Variants in GSDME observed in about 807,000 individuals in gnomAD.
GSDME encodes gasdermin-E.
Under a neutral mutation model 47.5 loss-of-function variants are expected in GSDME, and 44 were observed. The ratio of observed to expected loss-of-function variants is 0.93; its 90% confidence interval spans 0.73 to 1.19. GSDME has a LOEUF of 1.19. Ranked by LOEUF, GSDME falls within the 50% of genes most tolerant of loss-of-function variation. The pLI is 0.00. For missense variants in GSDME, 663 were observed against 604.2 expected, an observed-to-expected ratio of 1.10 and a Z score of -1.02; for synonymous variants, 258 against 252.8, an observed-to-expected ratio of 1.02 and a Z score of -0.20.
rs1244789850 is a variant in GSDME, at chr7:24,736,518, T to C, written c.404+8044A>G. Among the ~76,000 whole-genome samples, 2 of 152,170 alleles carry C rather than the reference T, an allele frequency of 1.3e-5. No homozygotes were observed. The highest frequency in any genetic ancestry group is 1.9e-4 in the East Asian group (1 of 5,196). On this transcript the variant is annotated intron_variant, in intron 3 of 9. Coordinates refer to ENST00000645220, the MANE Select transcript of GSDME (RefSeq NM_001127453.2). The surrounding 1 kb of genome is among the most constrained non-coding windows in gnomAD (Gnocchi z 4.6). Reference sequence around the variant, plus strand: ...TACCCAACACTGGAGCACCCAGATATATAAAGAAAATATTATTAAAGCTAA... The same window carrying C: ...TACCCAACACTGGAGCACCCAGATACATAAAGAAAATATTATTAAAGCTAA...
chr7:24,720,868 C>T (rs149596928), intron 3 of GSDME, among the ~76,000 whole-genome samples: 2,768 of 151,742 alleles, frequency 0.018, 92 homozygotes, highest in African/African-American at 0.064. Flanking sequence ...GATTGTGCCA[C>T]CGCACTCCAG....
At position 24,712,395 on chromosome 7, in the gene GSDME, A is replaced by G. The variant is rs1476292371; in HGVS notation, c.698-2007T>C. ...GGCATTTTAAGAATCCACAGCACCA[A>G]CCACACACCACACTCTCACCTTCAC... On this transcript the variant is annotated intron_variant, in intron 5 of 9. Transcript: ENST00000645220. This position sits in a 1 kb window ranked among gnomAD's most constrained non-coding sequence, Gnocchi z 4.4. Among the ~76,000 whole-genome samples, 2 of 152,086 alleles carry G rather than the reference A, an allele frequency of 1.3e-5. No individual in the cohort carries two copies. The highest frequency in any genetic ancestry group is 2.4e-5 in the African/African-American group (1 of 41,416).
At chr7:24,729,709 C>T (rs1790082780) in intron 3 of GSDME, among the ~76,000 whole-genome samples, 1 of 152,158 alleles carries the variant, frequency 6.6e-6, no homozygotes, top group Admixed American at 6.5e-5. Context: ...GAAATTAGCT[C>T]AGCGACTGAC....
intron 8 of GSDME, 72 bp downstream of exon 8, chr7:24,706,112 C>T (rs1789088847): frequency 3.2e-6 from 5 of 1,566,260 alleles, no homozygotes; most frequent in African/African-American, 1.4e-5. Context: ...TCTGTGTCCC[C>T]AGAAGCATAG....
the GSDME span, among the ~76,000 whole-genome samples, chr7:24,792,840 G>C: frequency 1.3e-5 from 2 of 152,074 alleles, no homozygotes; most frequent in African/African-American, 4.8e-5. Flanking sequence ...GTAATTTTCA[G>C]GCTGGTGCTG....
At position 24,714,514 on chromosome 7, in the gene GSDME, T is replaced by C. The variant is rs1432611789; in HGVS notation, c.697+2740A>G. ...CGATGACCTGACCACCAAGCCACCA[T>C]AGGAAGGAGCCACGGAGCTGCCTCC... On this transcript the variant is annotated intron_variant, in intron 5 of 9. Coordinates refer to ENST00000645220, the MANE Select transcript of GSDME (RefSeq NM_001127453.2). This position sits in a 1 kb window ranked among gnomAD's most constrained non-coding sequence, Gnocchi z 5.0. Among the ~76,000 whole-genome samples, 3 of 151,834 alleles carry C rather than the reference T, an allele frequency of 2.0e-5. No individual in the cohort carries two copies. Among genetic ancestry groups the C allele is most frequent in the Non-Finnish European group, 2.9e-5 (2 of 67,958 alleles).
At chr7:24,766,183 T>TTGTG in the GSDME span, among the ~76,000 whole-genome samples, 17,545 of 144,498 alleles carry the variant, frequency 0.12, 1,174 homozygotes, top group African/African-American at 0.17. This position sits in a 1 kb window ranked among gnomAD's most constrained non-coding sequence, Gnocchi z 4.2. Flanking sequence ...ATTACATTAT[T>TTGTG]TGTGTGTGTG....
rs114810186 is a variant in GSDME, at chr7:24,726,013, G to A, written c.405-6795C>T. Among the ~76,000 whole-genome samples the A allele has an allele frequency of 2.2e-3, 332 of 152,208 alleles. 1 individual carries two copies. Among genetic ancestry groups the A allele is most frequent in the African/African-American group, 7.8e-3 (324 of 41,540 alleles). ...GAGAGATGGCTGGAAAAGGAGACCAGGCAGGAGCTGCTGGGAGGCGGCAGG... is the reference window on the plus strand; with the variant it reads ...GAGAGATGGCTGGAAAAGGAGACCAAGCAGGAGCTGCTGGGAGGCGGCAGG... On this transcript the variant is annotated intron_variant, in intron 3 of 9. Transcript: ENST00000645220. The surrounding 1 kb of genome is among the most constrained non-coding windows in gnomAD (Gnocchi z 5.6).
intron 5 of GSDME, among the ~76,000 whole-genome samples, chr7:24,715,150 T>C (rs986655828): frequency 1.3e-5 from 2 of 152,112 alleles, no homozygotes; most frequent in East Asian, 3.8e-4. Flanking sequence ...TACATGGAAC[T>C]GAAAAAAGCT....
At chr7:24,777,303 C>T in the GSDME span, among the ~76,000 whole-genome samples, 3 of 152,062 alleles carry the variant, frequency 2.0e-5, no homozygotes, top group African/African-American at 7.2e-5. Context: ...TAATCTGGCC[C>T]CGTATATTAT....
At chr7:24,707,877 ATG>A (rs1789181075) in intron 7 of GSDME, 1 of 482,652 alleles carries the variant, frequency 2.1e-6, no homozygotes, top group African/African-American at 1.9e-5. Context: ...CTCCAAAACT[ATG>A]AGAGAATAAA....
rs1489365265 is a variant in GSDME, at chr7:24,714,220, G to A, written c.697+3034C>T. Among the ~76,000 whole-genome samples the A allele has an allele frequency of 1.3e-5, 2 of 152,202 alleles. No individual in the cohort carries two copies. Among genetic ancestry groups the A allele is most frequent in the Admixed American group, 1.3e-4 (2 of 15,282 alleles). On this transcript the variant is annotated intron_variant, in intron 5 of 9. Coordinates refer to ENST00000645220, the MANE Select transcript of GSDME (RefSeq NM_001127453.2). The surrounding 1 kb of genome is among the most constrained non-coding windows in gnomAD (Gnocchi z 5.0). ...GAAAGGGTCTCATTGCAGCTGGCATGGCTGAAGCACCTGGCCGGGATACAG... is the reference window on the plus strand; with the variant it reads ...GAAAGGGTCTCATTGCAGCTGGCATAGCTGAAGCACCTGGCCGGGATACAG...
At chr7:24,734,548 A>G (rs796693504) in intron 3 of GSDME, among the ~76,000 whole-genome samples, 13 of 152,364 alleles carry the variant, frequency 8.5e-5, no homozygotes, top group African/African-American at 3.1e-4. Context: ...ATTCAAGATA[A>G]CACAGAGAAG....
rs1790181063 is a variant in GSDME, at chr7:24,732,602, G to C, written c.404+11960C>G. 6.6e-6 allele frequency among the ~76,000 whole-genome samples: 1 copy of C among 152,180 alleles called. No individual in the cohort carries two copies. Among genetic ancestry groups the C allele is most frequent in the South Asian group, 2.1e-4 (1 of 4,822 alleles). On this transcript the variant is annotated intron_variant, in intron 3 of 9. Transcript: ENST00000645220. The surrounding 1 kb of genome is among the most constrained non-coding windows in gnomAD (Gnocchi z 4.8). ...ATCTCTGGGCAGCAGCCATGTGGCA[G>C]AGAGAGAGAAGCCGTGTGCTGTAGG...
the GSDME span, among the ~76,000 whole-genome samples, chr7:24,794,910 A>T: frequency 2.0e-5 from 3 of 152,338 alleles, no homozygotes; most frequent in East Asian, 5.8e-4. Context: ...GAGCCAAGTC[A>T]GAACCGAAAT....
chr7:24,732,482 C>G lies in GSDME; in HGVS notation c.404+12080G>C, dbSNP rs1790176613. On this transcript the variant is annotated intron_variant, in intron 3 of 9. Coordinates refer to ENST00000645220, the MANE Select transcript of GSDME (RefSeq NM_001127453.2). This position sits in a 1 kb window ranked among gnomAD's most constrained non-coding sequence, Gnocchi z 4.8. ...TCATCAGAACCAAAAATCAGGTGAG[C>G]AATCACAGTACCTGGTTTTGACTTC... 6.6e-6 allele frequency among the ~76,000 whole-genome samples: 1 copy of G among 152,234 alleles called. No individual in the cohort carries two copies.
chr7:24,733,890 G>A lies in GSDME; in HGVS notation c.404+10672C>T, dbSNP rs938609966. On this transcript the variant is annotated intron_variant, in intron 3 of 9. Coordinates refer to ENST00000645220, the MANE Select transcript of GSDME (RefSeq NM_001127453.2). This position sits in a 1 kb window ranked among gnomAD's most constrained non-coding sequence, Gnocchi z 4.3. The stretch of plus-strand genomic sequence containing the variant: ...GAGGGGAAGGACACAAGCCTGGCTG[G>A]CTTTACCACCTGCTGATTATACAGC... 6.6e-6 allele frequency among the ~76,000 whole-genome samples: 1 copy of A among 152,192 alleles called. No individual in the cohort carries two copies. Among genetic ancestry groups the A allele is most frequent in the Non-Finnish European group, 1.5e-5 (1 of 68,036 alleles).
At chr7:24,782,242 G>C in the GSDME span, among the ~76,000 whole-genome samples, 371 of 131,206 alleles carry the variant, frequency 2.8e-3, no homozygotes, top group Middle Eastern at 0.02. Context: ...ACAGGCCCCG[G>C]TGTGTGATGT....
rs1789960383 is a variant in GSDME, at chr7:24,726,172, T to G, written c.405-6954A>C. Among the ~76,000 whole-genome samples the G allele has an allele frequency of 1.3e-5, 2 of 152,278 alleles. No individual in the cohort carries two copies. The highest frequency in any genetic ancestry group is 1.9e-4 in the East Asian group (1 of 5,174). Reference sequence around the variant, plus strand: ...CAGGCCCAGCCCTAATGAAGCCGCCTCCTCTCCCAGCCTGAAGCTTTAATT... The same window carrying G: ...CAGGCCCAGCCCTAATGAAGCCGCCGCCTCTCCCAGCCTGAAGCTTTAATT... On this transcript the variant is annotated intron_variant, in intron 3 of 9. Transcript: ENST00000645220. This position sits in a 1 kb window ranked among gnomAD's most constrained non-coding sequence, Gnocchi z 5.6.
Sources: gnomAD v4.1 joint callset for allele counts (sites outside exome capture counted in the v4.1 genomes callset) on GRCh38, gnomAD v4.1.1 for gene constraint, Gnocchi (gnomAD v3.1) non-coding constraint, MANE v1.5 for transcripts, NCBI Gene and HGNC (gene_info 2026-07-23, HGNC 2026-07-21) for gene names.